Variants in DIP2C observed in about 807,000 individuals in gnomAD.
DIP2C encodes DIP2 acetate--CoA ligase C (putative), also known as disco-interacting protein 2 homolog C.
Under a neutral mutation model 192.4 loss-of-function variants are expected in DIP2C, and 33 were observed. That is an observed-to-expected ratio of 0.17 (90% CI 0.13 to 0.23). The LOEUF is 0.23. Ranked by LOEUF, DIP2C falls within the 10% of genes least tolerant of loss-of-function variation. The pLI, the probability that DIP2C is intolerant of heterozygous loss-of-function variation, is 1.00. For synonymous variants in DIP2C, 979 were observed against 864.1 expected (o/e 1.13, Z -2.33); for missense variants, 1,537 against 2,110.1 (o/e 0.73, Z 5.32).
At chr10:670,067 C>T (rs1857348525) in intron 1 of DIP2C, among the ~76,000 whole-genome samples, 1 of 152,204 alleles carries the variant, frequency 6.6e-6, no homozygotes, top group South Asian at 2.1e-4. Flanking sequence ...AAGGAAAAGG[C>T]ATATCTGTGC....
intron 1 of DIP2C, among the ~76,000 whole-genome samples, chr10:582,076 A>T (rs892586504): frequency 6.6e-6 from 1 of 152,060 alleles, no homozygotes; most frequent in Non-Finnish European, 1.5e-5. Context: ...TCCAGTGTCT[A>T]TGAGAATCTA....
chr10:505,616 C>T (rs1845546307), intron 1 of DIP2C, among the ~76,000 whole-genome samples: 1 of 150,726 alleles, frequency 6.6e-6, no homozygotes, highest in Non-Finnish European at 1.5e-5. Flanking sequence ...ACCTGCCCAG[C>T]TATATTCCCT....
At chr10:522,923 C>G (rs187294755) in intron 1 of DIP2C, among the ~76,000 whole-genome samples, 91 of 151,896 alleles carry the variant, frequency 6.0e-4, no homozygotes, top group African/African-American at 2.2e-3. Context: ...GCAAAGGACC[C>G]TGGAGTGAGG....
At chr10:433,846 G>A (rs577774343) in intron 4 of DIP2C, among the ~76,000 whole-genome samples, 1 of 152,028 alleles carries the variant, frequency 6.6e-6, no homozygotes, top group African/African-American at 2.4e-5. Flanking sequence ...ATATACAGTT[G>A]AATTAATATC....
intron 29 of DIP2C, among the ~76,000 whole-genome samples, chr10:331,229 T>G (rs981505695): frequency 3.3e-5 from 5 of 152,156 alleles, no homozygotes; most frequent in Admixed American, 2.6e-4. Flanking sequence ...ATCTAAAAAT[T>G]TTCATAATTG....
Position 578,306 on chromosome 10 carries a change from C to CTCCA in DIP2C, c.86-91780_86-91777dup, listed in dbSNP as rs1161135281. On this transcript the variant is annotated intron_variant, in intron 1 of 36. Coordinates refer to ENST00000280886, the MANE Select transcript of DIP2C (RefSeq NM_014974.3). Reference sequence around the variant, plus strand: ...CATGAAGAACACAAGGCAGTAAATACTCCACGAATAAAGAACAGTAGAAAA... The same window carrying CTCCA: ...CATGAAGAACACAAGGCAGTAAATACTCCATCCACGAATAAAGAACAGTAGAAAA... 2.2e-4 allele frequency among the ~76,000 whole-genome samples: 34 copies of CTCCA among 152,170 alleles called. 1 individual carries two copies. The highest frequency in any genetic ancestry group is 8.2e-4 in the African/African-American group (34 of 41,442).
chr10:555,780 A>ACG (rs1295064726), intron 1 of DIP2C, among the ~76,000 whole-genome samples: 1 of 152,026 alleles, frequency 6.6e-6, no homozygotes, highest in African/African-American at 2.4e-5. Flanking sequence ...AGCCCACTAC[A>ACG]CGCAAGGTCA....
At chr10:565,461 G>C (rs1340991905) in intron 1 of DIP2C, among the ~76,000 whole-genome samples, 1 of 151,360 alleles carries the variant, frequency 6.6e-6, no homozygotes, top group Non-Finnish European at 1.5e-5. Context: ...AGCAACTACA[G>C]TCAGCCCAGA....
intron 1 of DIP2C, among the ~76,000 whole-genome samples, chr10:493,541 C>G (rs775507484): frequency 4.6e-5 from 7 of 152,088 alleles, no homozygotes; most frequent in Non-Finnish European, 7.4e-5. Flanking sequence ...AGAAGAATAC[C>G]CAGCATGGCC....
chr10:548,436 C>G (rs1848412348), intron 1 of DIP2C, among the ~76,000 whole-genome samples: 1 of 121,430 alleles, frequency 8.2e-6, no homozygotes, highest in South Asian at 2.9e-4. Context: ...GCGGAGGCCA[C>G]CGGGATGGAG....
intron 32 of DIP2C, 119 bp from the exon 33 acceptor site, chr10:288,540 C>T (rs1318731842): frequency 9.5e-6 from 10 of 1,056,762 alleles, no homozygotes; most frequent in Non-Finnish European, 1.3e-5. Context: ...TGAGCATCAT[C>T]CAACAGCAAG....
At chr10:579,185 TAAC>T (rs1055208117) in intron 1 of DIP2C, among the ~76,000 whole-genome samples, 2 of 151,202 alleles carry the variant, frequency 1.3e-5, no homozygotes, top group African/African-American at 4.9e-5. Flanking sequence ...AAGTGCACTA[TAAC>T]ATGTACATGC....
In DIP2C at chr10:666,550, C is replaced by T. The variant is rs1857104903; in HGVS notation, c.85+22944G>A. On this transcript the variant is annotated intron_variant, in intron 1 of 36. Transcript: ENST00000280886. This position sits in a 1 kb window ranked among gnomAD's most constrained non-coding sequence, Gnocchi z 4.1. ...TCCGGGAGCAGCCGGTTTCTGCACA[C>T]AGGTAACATAGAACTGGGGGTAAGC... 1 of 151,312 alleles carries T rather than the reference C, an allele frequency of 6.6e-6. No individual in the cohort carries two copies. Among genetic ancestry groups the T allele is most frequent in the Non-Finnish European group, 1.5e-5 (1 of 68,080 alleles). The allele number at this position is 151,312 out of a possible 1,614,324, so 9.4% of individuals were successfully genotyped here. A position where few individuals can be genotyped will look rare whatever the true frequency, so the allele number is the denominator to read the frequency against.
intron 4 of DIP2C, among the ~76,000 whole-genome samples, chr10:436,162 GATC>G (rs1307544593): frequency 3.3e-5 from 5 of 152,348 alleles, no homozygotes; most frequent in Middle Eastern, 3.4e-3. Flanking sequence ...GAGTGACAGA[GATC>G]ATCTTGCATG....
At chr10:520,599 C>T (rs575046047) in intron 1 of DIP2C, among the ~76,000 whole-genome samples, 1 of 152,288 alleles carries the variant, frequency 6.6e-6, no homozygotes, top group Admixed American at 6.5e-5. Context: ...CTGGGGCCGT[C>T]CTGACCTGTC....
intron 3 of DIP2C, among the ~76,000 whole-genome samples, chr10:447,966 C>T (rs12770203): frequency 2.7e-5 from 3 of 111,144 alleles, no homozygotes; most frequent in Admixed American, 9.1e-5. Flanking sequence ...GACCCAATCA[C>T]CCCCGTTGAT....
intron 1 of DIP2C, among the ~76,000 whole-genome samples, chr10:673,099 G>A (rs1328644073): frequency 6.6e-6 from 1 of 152,098 alleles, no homozygotes; most frequent in Non-Finnish European, 1.5e-5. Context: ...GCTCAGCTGG[G>A]AGGGGCTGCC....
chr10:290,502 C>T (rs968588634), intron 32 of DIP2C, among the ~76,000 whole-genome samples: 2 of 152,166 alleles, frequency 1.3e-5, no homozygotes, highest in African/African-American at 2.4e-5. Flanking sequence ...CTTGGGATGT[C>T]GGCAGGACAT....
At chr10:343,226 T>G (rs1371808704) in intron 28 of DIP2C, among the ~76,000 whole-genome samples, 1 of 152,020 alleles carries the variant, frequency 6.6e-6, no homozygotes, top group African/African-American at 2.4e-5. Context: ...AGGGCGGAGG[T>G]TGCAGTGAGC....
Sources: gnomAD v4.1 joint callset for allele counts (sites outside exome capture counted in the v4.1 genomes callset) on GRCh38, gnomAD v4.1.1 for gene constraint, Gnocchi (gnomAD v3.1) non-coding constraint, MANE v1.5 for transcripts, NCBI Gene and HGNC (gene_info 2026-07-23, HGNC 2026-07-21) for gene names.